ANGPT1: variants seen among roughly 807,000 people sequenced by gnomAD.
ANGPT1 encodes the protein angiopoietin 1, also known as angiopoietin-1.
A neutral mutation model predicts 62.2 loss-of-function variants in ANGPT1; 17 were observed. The observed-to-expected ratio is 0.27, with a 90% CI of 0.19 to 0.41. The LOEUF (loss-of-function observed/expected upper bound fraction) is 0.41, where lower values mean the gene tolerates loss of function less well. Ranked by LOEUF, ANGPT1 falls within the 10% of genes least tolerant of loss-of-function variation. ANGPT1 has a pLI of 1.00. For missense variants in ANGPT1, 478 were observed against 594.9 expected, an observed-to-expected ratio of 0.80 and a Z score of 2.04; for synonymous variants, 199 against 198.9, an observed-to-expected ratio of 1.00 and a Z score of 0.00.
chr8:107,424,160 T>TAAA (rs11400808), intron 1 of ANGPT1, among the ~76,000 whole-genome samples: 3 of 149,912 alleles, frequency 2.0e-5, no homozygotes, highest in Non-Finnish European at 3.0e-5. Context: ...CTTATTAAGT[T>TAAA]AAAAAAAAAA....
chr8:107,494,586 A>G (rs1813045135), intron 1 of ANGPT1: 1 of 152,206 alleles, frequency 6.6e-6, no homozygotes, highest in South Asian at 2.1e-4. Context: ...ACAAGTGATT[A>G]TGGAAAGTTG....
At chr8:107,289,053 G>A (rs1261687223) in intron 6 of ANGPT1, among the ~76,000 whole-genome samples, 1 of 152,082 alleles carries the variant, frequency 6.6e-6, no homozygotes, top group Non-Finnish European at 1.5e-5. Flanking sequence ...AGGATACTAT[G>A]CCATGTACTT....
chr8:107,311,778 G>A (rs1814870283), intron 4 of ANGPT1, among the ~76,000 whole-genome samples: 1 of 152,050 alleles, frequency 6.6e-6, no homozygotes, highest in African/African-American at 2.4e-5. Context: ...CAAGAATGGG[G>A]AAAAAGCTGG....
intron 1 of ANGPT1, among the ~76,000 whole-genome samples, chr8:107,358,421 A>G (rs1816094316): frequency 6.6e-6 from 1 of 151,780 alleles, no homozygotes; most frequent in Non-Finnish European, 1.5e-5. Context: ...GACAGTGGGC[A>G]TTGTTTCATC....
chr8:107,473,881 T>G (rs1009973194), intron 1 of ANGPT1, among the ~76,000 whole-genome samples: 1 of 151,852 alleles, frequency 6.6e-6, no homozygotes, highest in African/African-American at 2.4e-5. Flanking sequence ...GGAACGGGAA[T>G]GGAATGTGAG....
At chr8:107,297,126 G>GA (rs1814434679) in intron 5 of ANGPT1, among the ~76,000 whole-genome samples, 2 of 152,112 alleles carry the variant, frequency 1.3e-5, no homozygotes, top group South Asian at 4.1e-4. Context: ...AGACCTAGAG[G>GA]AAAAACCATT....
At chr8:107,308,671 A>G (rs1449309244) in intron 4 of ANGPT1, among the ~76,000 whole-genome samples, 1 of 152,196 alleles carries the variant, frequency 6.6e-6, no homozygotes, top group Non-Finnish European at 1.5e-5. Context: ...TAGTTCAAAG[A>G]CTTTGCCCAC....
At chr8:107,334,337 GA>G (rs1256367423) in intron 3 of ANGPT1, among the ~76,000 whole-genome samples, 1 of 152,128 alleles carries the variant, frequency 6.6e-6, no homozygotes, top group Non-Finnish European at 1.5e-5. Context: ...CCAGTAAAAT[GA>G]AATATGCAGT....
chr8:107,372,048 T>C (rs561744666), intron 1 of ANGPT1, among the ~76,000 whole-genome samples: 2 of 152,146 alleles, frequency 1.3e-5, no homozygotes, highest in Admixed American at 1.3e-4. Context: ...AAAAAAAATG[T>C]GTTGTATGAT....
Position 107,251,831 on chromosome 8 carries a change from A to G in ANGPT1, c.*24T>C, listed in dbSNP as rs202187018. On this transcript the variant is annotated 3_prime_UTR_variant, in exon 9 of 9. Transcript: ENST00000517746. The stretch of plus-strand genomic sequence containing the variant: ...TTCTCCGGATTTCTTTGTTGCTTTC[A>G]TAATCGCTTCTGACATTGCGCTTTC... 6.2e-7 allele frequency: 1 copy of G among 1,612,266 alleles called. No individual in the cohort carries two copies. The highest frequency in any genetic ancestry group is 8.5e-7 in the Non-Finnish European group (1 of 1,178,996).
At chr8:107,464,072 C>T (rs1199821189) in intron 1 of ANGPT1, among the ~76,000 whole-genome samples, 1 of 152,124 alleles carries the variant, frequency 6.6e-6, no homozygotes, top group African/African-American at 2.4e-5. Flanking sequence ...TGAGTAAGAA[C>T]ATAAATTCTG....
In ANGPT1 at chr8:107,313,115, T is replaced by C. The variant is rs115031404; in HGVS notation, c.808+8781A>G. 5.9e-3 allele frequency among the ~76,000 whole-genome samples: 890 copies of C among 151,982 alleles called. 14 individuals are homozygous for C. The highest frequency in any genetic ancestry group is 0.021 in the African/African-American group (855 of 41,314). On this transcript the variant is annotated intron_variant, in intron 4 of 8. Coordinates refer to ENST00000517746, the MANE Select transcript of ANGPT1 (RefSeq NM_001146.5). The stretch of plus-strand genomic sequence containing the variant: ...TCATCCCACTTGTGAAAATGGAACG[T>C]TCACACCTAAAAATAATTAAGATAA...
intron 1 of ANGPT1, among the ~76,000 whole-genome samples, chr8:107,433,457 T>C (rs967468470): frequency 6.6e-6 from 1 of 152,188 alleles, no homozygotes; most frequent in Non-Finnish European, 1.5e-5. Context: ...AATCAGGTTA[T>C]TAATAAAGAG....
intron 1 of ANGPT1, among the ~76,000 whole-genome samples, chr8:107,473,532 A>G (rs1462668308): frequency 1.3e-5 from 2 of 151,948 alleles, no homozygotes; most frequent in African/African-American, 4.8e-5. Flanking sequence ...TCTCAGACAG[A>G]CTCTTAGTAC....
chr8:107,336,535 G>A (rs907695637), intron 2 of ANGPT1: 7 of 287,998 alleles, frequency 2.4e-5, no homozygotes, highest in Non-Finnish European at 4.2e-5. Context: ...CGTGGTAGCG[G>A]GCGCCTGTAG....
intron 1 of ANGPT1, among the ~76,000 whole-genome samples, chr8:107,438,879 C>T (rs1811401423): frequency 6.6e-6 from 1 of 152,054 alleles, no homozygotes; most frequent in Non-Finnish European, 1.5e-5. Context: ...ATGTATGCTA[C>T]ATAAAACCAT....
intron 1 of ANGPT1, among the ~76,000 whole-genome samples, chr8:107,469,652 A>G (rs1316250202): frequency 6.6e-6 from 1 of 151,998 alleles, no homozygotes; most frequent in Non-Finnish European, 1.5e-5. Flanking sequence ...ATCTTTGAAA[A>G]GAAAGAATAG....
At chr8:107,353,627 G>T (rs1044808030) in intron 1 of ANGPT1, among the ~76,000 whole-genome samples, 1 of 151,988 alleles carries the variant, frequency 6.6e-6, no homozygotes, top group Non-Finnish European at 1.5e-5. Context: ...TTCTTCAGAT[G>T]CATCACCTCA....
intron 6 of ANGPT1, among the ~76,000 whole-genome samples, chr8:107,285,118 A>G (rs1367241819): frequency 2.0e-5 from 3 of 152,142 alleles, no homozygotes; most frequent in Admixed American, 2.0e-4. Context: ...AATCTAGTTA[A>G]TAGGTTTAAC....
Sources: gnomAD v4.1 joint callset for allele counts (sites outside exome capture counted in the v4.1 genomes callset) on GRCh38, gnomAD v4.1.1 for gene constraint, MANE v1.5 for transcripts, NCBI Gene and HGNC (gene_info 2026-07-23, HGNC 2026-07-21) for gene names.